Variants in PIEZO2 observed in about 807,000 individuals in gnomAD.
PIEZO2 encodes piezo-type mechanosensitive ion channel component 2.
PIEZO2 carries 172 observed loss-of-function variants against 337.3 expected under a neutral mutation model. That is an observed-to-expected ratio of 0.51 (90% CI 0.45 to 0.58). The LOEUF (loss-of-function observed/expected upper bound fraction) is 0.58, where lower values mean the gene tolerates loss of function less well. PIEZO2 is among the 20% of genes least tolerant of loss of function. The pLI, the probability that PIEZO2 is intolerant of heterozygous loss-of-function variation, is 0.00. For missense variants in PIEZO2, 3,028 were observed against 3,391.3 expected, an observed-to-expected ratio of 0.89 and a Z score of 2.66; for synonymous variants, 1,251 against 1,228.5, an observed-to-expected ratio of 1.02 and a Z score of -0.38.
At chr18:10,910,023 G>T (rs2030318191) in intron 4 of PIEZO2, among the ~76,000 whole-genome samples, 1 of 152,210 alleles carries the variant, frequency 6.6e-6, no homozygotes, top group South Asian at 2.1e-4. Flanking sequence ...TATTGCTACA[G>T]GAGAAACAAT....
At chr18:10,994,864 C>A (rs759482096) in intron 2 of PIEZO2, among the ~76,000 whole-genome samples, 10 of 151,622 alleles carry the variant, frequency 6.6e-5, no homozygotes, top group Non-Finnish European at 1.5e-4. Flanking sequence ...GGCGGATCAC[C>A]TGAGGTCAGA....
Position 10,750,271 on chromosome 18 carries a change from A to C in PIEZO2, c.4168-84T>G. ...TTTTATGATCCCAACATGTGCAAGA[A>C]TTCACAAGGTCTCAGTGATAAGGAT... On this transcript the variant is annotated intron_variant, in intron 28 of 55. Transcript: ENST00000674853. The surrounding 1 kb of genome is among the most constrained non-coding windows in gnomAD (Gnocchi z 4.1). 1.0e-6 allele frequency: 1 copy of C among 959,202 alleles called. No individual in the cohort carries two copies. Among genetic ancestry groups the C allele is most frequent in the South Asian group, 1.4e-5 (1 of 71,018 alleles). 59.4% of individuals were successfully genotyped at this position (959,202 alleles called of 1,614,324 possible).
At position 10,837,349 on chromosome 18, in the gene PIEZO2, G is replaced by A. The variant is rs556275257; in HGVS notation, c.917+18004C>T. ...CTGTGAGGGGAACACAGCATCTTCT[G>A]AGAATACCTTTTCCAACTGCAGCCA... On this transcript the variant is annotated intron_variant, in intron 7 of 55. Coordinates refer to ENST00000674853, the MANE Select transcript of PIEZO2 (RefSeq NM_001378183.1). This position sits in a 1 kb window ranked among gnomAD's most constrained non-coding sequence, Gnocchi z 4.4. Among the ~76,000 whole-genome samples, 4 of 152,306 alleles carry A rather than the reference G, an allele frequency of 2.6e-5. No homozygotes were observed. The highest frequency in any genetic ancestry group is 2.1e-4 in the South Asian group (1 of 4,824).
intron 3 of PIEZO2, among the ~76,000 whole-genome samples, chr18:10,948,260 T>C (rs905891771): frequency 1.3e-5 from 2 of 152,188 alleles, no homozygotes; most frequent in Admixed American, 1.3e-4. Context: ...TTATTGTAAC[T>C]ATAATCATGT....
intron 1 of PIEZO2, among the ~76,000 whole-genome samples, chr18:11,134,067 AG>A (rs1282753121): frequency 6.6e-6 from 1 of 152,180 alleles, no homozygotes; most frequent in African/African-American, 2.4e-5. Context: ...TTTAAGGCAG[AG>A]GAATGATATC....
intron 2 of PIEZO2, among the ~76,000 whole-genome samples, chr18:11,034,377 G>A (rs1478101904): frequency 6.6e-6 from 1 of 151,418 alleles, no homozygotes. Flanking sequence ...CTCACTGCAA[G>A]CTCCGCCTCC....
At chr18:10,720,399 GTGTGTATGTGTATGTGTATGTATATA>G (rs2036237135) in intron 36 of PIEZO2, among the ~76,000 whole-genome samples, 3 of 9,168 alleles carry the variant, frequency 3.3e-4, no homozygotes, top group African/African-American at 1.3e-3. Flanking sequence ...GTGTGTGTGT[GTGTGTATGTGTATGTGTATGTATATA>G]TATATATATA....
intron 2 of PIEZO2, among the ~76,000 whole-genome samples, chr18:11,062,315 A>G (rs1221909185): frequency 2.0e-5 from 3 of 152,142 alleles, no homozygotes; most frequent in African/African-American, 7.2e-5. Flanking sequence ...TCTAGAAGAA[A>G]ACCTAGGCAA....
rs2041681054 is a variant in PIEZO2, at chr18:10,855,544, T to C, written c.726A>G (p.Thr242=). The C allele has an allele frequency of 6.5e-7, 1 of 1,536,602 alleles. No homozygotes were observed. The highest frequency in any genetic ancestry group is 1.4e-5 in the African/African-American group (1 of 73,008). Residue 242 remains threonine (T), a synonymous_variant, in exon 7 of 56, where the codon ACA becomes ACG. Coordinates refer to ENST00000674853, the MANE Select transcript of PIEZO2 (RefSeq NM_001378183.1). This position sits in a 1 kb window ranked among gnomAD's most constrained non-coding sequence, Gnocchi z 4.9. The part of the protein sequence containing the change: ...GSSGMMLPSL[T]SSVYFFVFLG... The stretch of plus-strand genomic sequence containing the variant: ...AAAATACAAAAAAATACACAGATGA[T>C]GTCAAAGACGGCAACATCATGCCTA...
chr18:11,080,927 TCCAATAGCTTCA>T lies in PIEZO2; in HGVS notation c.65-14717_65-14706del, dbSNP rs1383847652. Among the ~76,000 whole-genome samples the T allele has an allele frequency of 6.6e-6, 1 of 152,166 alleles. No homozygotes were observed. Among genetic ancestry groups the T allele is most frequent in the Admixed American group, 6.5e-5 (1 of 15,278 alleles). On this transcript the variant is annotated intron_variant, in intron 1 of 55. Coordinates refer to ENST00000674853, the MANE Select transcript of PIEZO2 (RefSeq NM_001378183.1). This position sits in a 1 kb window ranked among gnomAD's most constrained non-coding sequence, Gnocchi z 5.4. ...TCACACCTGACCAATGGAGTCAACG[TCCAATAGCTTCA>T]CCAAATTGGTTATTCTGCAACATAC...
rs1394967277 is a variant in PIEZO2 at position 10,888,007 on chromosome 18, T to C, written c.330-16592A>G. 1.3e-5 allele frequency among the ~76,000 whole-genome samples: 2 copies of C among 152,184 alleles called. No homozygotes were observed. The highest frequency in any genetic ancestry group is 1.3e-4 in the Admixed American group (2 of 15,278). ...AACTTTGTAAGGATATATTCTGAAA[T>C]TGCATCAATGTCCTCTGCCTTATCA... On this transcript the variant is annotated intron_variant, in intron 4 of 55. Coordinates refer to ENST00000674853, the MANE Select transcript of PIEZO2 (RefSeq NM_001378183.1). This position sits in a 1 kb window ranked among gnomAD's most constrained non-coding sequence, Gnocchi z 4.1.
chr18:11,064,917 T>C (rs967286391), intron 2 of PIEZO2, among the ~76,000 whole-genome samples: 1 of 152,258 alleles, frequency 6.6e-6, no homozygotes, highest in African/African-American at 2.4e-5. Flanking sequence ...GAAACTATTC[T>C]GTTTATGCTA....
chr18:11,026,317 G>A (rs906308686), intron 2 of PIEZO2, among the ~76,000 whole-genome samples: 1 of 152,076 alleles, frequency 6.6e-6, no homozygotes, highest in East Asian at 1.9e-4. Flanking sequence ...TACAAAGTGA[G>A]CCAGGGTAGA....
chr18:10,889,253 A>G (rs1475274804), intron 4 of PIEZO2, among the ~76,000 whole-genome samples: 1 of 152,220 alleles, frequency 6.6e-6, no homozygotes, highest in Admixed American at 6.5e-5. Context: ...TGACTGTTGA[A>G]TAAACTACCA....
At position 10,781,465 on chromosome 18, in the gene PIEZO2, G is replaced by A. The variant is rs570625037; in HGVS notation, c.2493-1099C>T. On this transcript the variant is annotated intron_variant, in intron 17 of 55. Transcript: ENST00000674853. The surrounding 1 kb of genome is among the most constrained non-coding windows in gnomAD (Gnocchi z 4.1). ...AGCTTGGGCAACAGAGCGAGACTCC[G>A]TTTCAAATAAAAAAAAAAACCAGTA... Among the ~76,000 whole-genome samples the A allele has an allele frequency of 4.3e-4, 48 of 110,838 alleles. No homozygotes were observed. Among genetic ancestry groups the A allele is most frequent in the South Asian group, 1.6e-3 (5 of 3,156 alleles). 72.7% of individuals were successfully genotyped at this position (110,838 alleles called of 152,430 possible).
chr18:10,923,919 TG>T (rs1568203703), intron 3 of PIEZO2, among the ~76,000 whole-genome samples: 1 of 152,148 alleles, frequency 6.6e-6, no homozygotes, highest in African/African-American at 2.4e-5. Context: ...ATCTCTAAAA[TG>T]AAGGTCAACA....
chr18:10,741,949 C>A (rs1041602222), intron 32 of PIEZO2, among the ~76,000 whole-genome samples: 7 of 151,708 alleles, frequency 4.6e-5, no homozygotes, highest in Non-Finnish European at 1.0e-4. Context: ...GTCAGGAGAT[C>A]GAGACCATCC....
chr18:10,992,882 G>T lies in PIEZO2; in HGVS notation c.161-13222C>A, dbSNP rs187284446. ...ATGAGCATGGAATGTTTTTCCATTT[G>T]TTTGTGTCCTCTCTTATTTCCTTGA... On this transcript the variant is annotated intron_variant, in intron 2 of 55. Transcript: ENST00000674853. Among the ~76,000 whole-genome samples the T allele has an allele frequency of 8.4e-4, 128 of 152,224 alleles. 1 individual carries two copies. Among genetic ancestry groups the T allele is most frequent in the African/African-American group, 2.9e-3 (121 of 41,540 alleles).
intron 16 of PIEZO2, among the ~76,000 whole-genome samples, chr18:10,785,531 T>C (rs565092015): frequency 6.6e-6 from 1 of 152,336 alleles, no homozygotes; most frequent in South Asian, 2.1e-4. Context: ...TTGATTTTCC[T>C]ATTTTTCTTG....
Sources: gnomAD v4.1 joint callset for allele counts (sites outside exome capture counted in the v4.1 genomes callset) on GRCh38, gnomAD v4.1.1 for gene constraint, Gnocchi (gnomAD v3.1) non-coding constraint, MANE v1.5 for transcripts, NCBI Gene and HGNC (gene_info 2026-07-23, HGNC 2026-07-21) for gene names.